SRSF4: variants seen among roughly 807,000 people sequenced by gnomAD.
SRSF4 encodes the protein serine/arginine-rich splicing factor 4.
Under a neutral mutation model 48.8 loss-of-function variants are expected in SRSF4, and 12 were observed. That is an observed-to-expected ratio of 0.25 (90% CI 0.16 to 0.40). SRSF4 has a LOEUF of 0.40. Among genes scored for constraint, SRSF4 ranks in the 10% least tolerant of loss-of-function variants. The pLI, the probability that SRSF4 is intolerant of heterozygous loss-of-function variation, is 1.00. For missense variants in SRSF4, 466 were observed against 667.1 expected (o/e 0.70, Z 3.32); for synonymous variants, 248 against 232.5 (o/e 1.07, Z -0.61).
chr1:29,148,946 C>T lies in SRSF4; in HGVS notation c.949G>A (p.Val317Met), dbSNP rs370300021. The T allele has an allele frequency of 4.3e-6, 7 of 1,613,070 alleles. No individual in the cohort carries two copies. Among genetic ancestry groups the T allele is most frequent in the Admixed American group, 3.3e-5 (2 of 59,902 alleles). The change falls in exon 6 of 6, where the codon GTG becomes ATG. Residue 317 changes from valine (V) to methionine (M), a missense_variant. Around this residue, in one of 2 missense-constraint regions of SRSF4, gnomAD observed 402 missense variants for 437.0 expected, o/e 0.92. Coordinates refer to ENST00000373795, the MANE Select transcript of SRSF4 (RefSeq NM_005626.5). ...RRVEEEKRGS[V>M]SRGRSQEKSL... ...TTCTCCTGGCTCCTGCCCCTGCTCA[C>T]ACTCCCTCGCTTCTCCTCCTCCACT...
chr1:29,160,360 C>T lies in SRSF4; in HGVS notation c.250+15G>A, dbSNP rs781603829. 1.2e-6 allele frequency: 2 copies of T among 1,600,924 alleles called. No homozygotes were observed. The highest frequency in any genetic ancestry group is 1.7e-6 in the Non-Finnish European group (2 of 1,175,384). ...AAGCACGTTACTGATAAAAGTATGC[C>T]CTTTGAATGCTTACTGCGTCCAGAA... On this transcript the variant is annotated intron_variant, in intron 2 of 5. Coordinates refer to ENST00000373795, the MANE Select transcript of SRSF4 (RefSeq NM_005626.5).
intron 1 of SRSF4, chr1:29,171,076 G>A (rs532965948): frequency 1.2e-4 from 18 of 152,156 alleles, no homozygotes; most frequent in African/African-American, 2.2e-4. Context: ...AAGACCAGAC[G>A]GCCCTAGGAA....
intron 3 of SRSF4, among the ~76,000 whole-genome samples, chr1:29,157,825 T>C (rs954607791): frequency 6.6e-6 from 1 of 152,324 alleles, no homozygotes; most frequent in Admixed American, 6.5e-5. Context: ...CCATTCAGAT[T>C]ATGATACTGC....
chr1:29,155,380 G>A (rs1190514309), intron 3 of SRSF4, among the ~76,000 whole-genome samples: 2 of 152,154 alleles, frequency 1.3e-5, no homozygotes, highest in African/African-American at 4.8e-5. Context: ...GCAGTGAGCC[G>A]TGATCATGCC....
chr1:29,152,953 TTTC>T (rs1296297647), intron 4 of SRSF4, among the ~76,000 whole-genome samples: 5 of 151,966 alleles, frequency 3.3e-5, no homozygotes, highest in Non-Finnish European at 7.4e-5. Context: ...AGAAAGGCAT[TTTC>T]TTCTGCTCAC....
In SRSF4 at chr1:29,181,571, C is replaced by T. The variant is rs551090738; in HGVS notation, c.107+75G>A. 339 of 1,311,986 alleles carry T rather than the reference C, an allele frequency of 2.6e-4. 2 individuals carry two copies. The highest frequency in any genetic ancestry group is 1.1e-3 in the South Asian group (81 of 72,254). The allele number at this position is 1,311,986 out of a possible 1,614,324, so 81.3% of individuals were successfully genotyped here. ...CGCTCCGCGCGGACCAGGCGTCCCT[C>T]TCCCGTCCCCGCGGCCTCCCCACCA... On this transcript the variant is annotated intron_variant, in intron 1 of 5. Transcript: ENST00000373795.
intron 1 of SRSF4, among the ~76,000 whole-genome samples, chr1:29,179,793 A>T (rs1174155932): frequency 6.6e-6 from 1 of 152,230 alleles, no homozygotes; most frequent in Non-Finnish European, 1.5e-5. Flanking sequence ...TTCAAAGTGC[A>T]CATGTCATAA....
intron 1 of SRSF4, among the ~76,000 whole-genome samples, chr1:29,174,437 C>A (rs1432498117): frequency 6.6e-6 from 1 of 151,988 alleles, no homozygotes. Flanking sequence ...ATAAAGATAA[C>A]CTAAATGCCT....
chr1:29,157,436 C>G (rs750707912), intron 3 of SRSF4, among the ~76,000 whole-genome samples: 5 of 152,062 alleles, frequency 3.3e-5, no homozygotes, highest in Non-Finnish European at 7.3e-5. Flanking sequence ...AGTTTCTACC[C>G]ATGATGTTCA....
intron 5 of SRSF4, among the ~76,000 whole-genome samples, chr1:29,149,602 A>AC (rs1672371140): frequency 6.7e-6 from 1 of 150,238 alleles, no homozygotes; most frequent in African/African-American, 2.5e-5. Flanking sequence ...AATCGCTTGA[A>AC]CCCGTGAGGC....
At chr1:29,158,104 G>A (rs1044846512) in intron 3 of SRSF4, among the ~76,000 whole-genome samples, 4 of 152,018 alleles carry the variant, frequency 2.6e-5, no homozygotes, top group Non-Finnish European at 4.4e-5. Context: ...CAGAGGCGGA[G>A]GTTGCAGTGA....
intron 1 of SRSF4, among the ~76,000 whole-genome samples, chr1:29,177,288 T>G (rs1214538861): frequency 1.3e-5 from 2 of 151,672 alleles, no homozygotes; most frequent in Non-Finnish European, 2.9e-5. Context: ...TTTTTGTTTT[T>G]TTTTTTTTTT....
At chr1:29,159,686 TA>T (rs997917984) in intron 2 of SRSF4, 200 bp from the exon 3 acceptor site, 26 of 439,012 alleles carry the variant, frequency 5.9e-5, no homozygotes, top group Admixed American at 2.7e-4. Flanking sequence ...TAAAAAGTTG[TA>T]AGTATACATA....
intron 1 of SRSF4, among the ~76,000 whole-genome samples, chr1:29,175,557 C>T (rs1008964600): frequency 5.4e-5 from 8 of 147,994 alleles, no homozygotes; most frequent in South Asian, 2.2e-4. Flanking sequence ...TAGCCGGGAG[C>T]GGTGGCGGGC....
chr1:29,168,310 C>T (rs1672698264), intron 1 of SRSF4, among the ~76,000 whole-genome samples: 1 of 150,576 alleles, frequency 6.6e-6, no homozygotes, highest in African/African-American at 2.4e-5. Flanking sequence ...GAATTACAGG[C>T]ATGAGCCACC....
rs1309938575 is a variant in SRSF4 at position 29,149,123 on chromosome 1, G to A, written c.772C>T (p.Arg258Cys). 1.2e-6 allele frequency: 2 copies of A among 1,608,370 alleles called. No individual in the cohort carries two copies. The highest frequency in any genetic ancestry group is 1.7e-6 in the Non-Finnish European group (2 of 1,176,992). The change falls in exon 6 of 6, where the codon CGC becomes TGC. Residue 258 changes from arginine to cysteine, a missense_variant. Arg to Cys is a radical substitution (Grantham distance 180). This residue lies in a region of SRSF4 where 402 missense variants were observed against 437.0 expected (regional missense o/e 0.92). Coordinates refer to ENST00000373795, the MANE Select transcript of SRSF4 (RefSeq NM_005626.5). ...RSPSKEKSRS[R>C]SHSAGKSRSK... ...CGGCTCTTGCCAGCGCTATGGCTGC[G>A]GCTGCGGCTCTTTTCCTTGCTGGGG...
intron 1 of SRSF4, among the ~76,000 whole-genome samples, chr1:29,167,267 A>G (rs1378991622): frequency 1.3e-5 from 2 of 152,268 alleles, no homozygotes; most frequent in African/African-American, 4.8e-5. Context: ...AAGTTGAATT[A>G]TATCAATCTT....
At chr1:29,179,026 G>GT (rs1558395063) in intron 1 of SRSF4, among the ~76,000 whole-genome samples, 1 of 152,054 alleles carries the variant, frequency 6.6e-6, no homozygotes, top group Admixed American at 6.6e-5. Context: ...CAGCATAACT[G>GT]TAAGAATGAA....
chr1:29,179,362 T>C (rs1169182638), intron 1 of SRSF4, among the ~76,000 whole-genome samples: 2 of 152,102 alleles, frequency 1.3e-5, no homozygotes, highest in Admixed American at 6.5e-5. Flanking sequence ...AAAGTCAGCA[T>C]TGTACTTATT....
Sources: gnomAD v4.1 joint callset for allele counts (sites outside exome capture counted in the v4.1 genomes callset) on GRCh38, gnomAD v4.1.1 for gene constraint, gnomAD v4.1.1 regional missense constraint, MANE v1.5 for transcripts, NCBI Gene and HGNC (gene_info 2026-07-23, HGNC 2026-07-21) for gene names.